LARP1B: variants seen among roughly 807,000 people sequenced by gnomAD.
LARP1B encodes La ribonucleoprotein 1B, also known as la-related protein 1B.
Under a neutral mutation model 114.2 loss-of-function variants are expected in LARP1B, and 76 were observed. The ratio of observed to expected loss-of-function variants is 0.67; its 90% CI spans 0.55 to 0.81. The LOEUF is 0.81. Ranked by LOEUF, LARP1B falls within the 30% of genes least tolerant of loss-of-function variation. The pLI is 0.00. For missense variants in LARP1B, 1,014 were observed against 1,075.8 expected, an observed-to-expected ratio of 0.94 and a Z score of 0.80; for synonymous variants, 345 against 348.0, an observed-to-expected ratio of 0.99 and a Z score of 0.10.
intron 7 of LARP1B, among the ~76,000 whole-genome samples, chr4:128,096,323 T>A (rs1488182910): frequency 6.6e-6 from 1 of 152,168 alleles, no homozygotes; most frequent in Non-Finnish European, 1.5e-5. Flanking sequence ...CATGTATTTC[T>A]CTCTCTTTAA....
chr4:128,171,830 C>G (rs1743864958), intron 12 of LARP1B, among the ~76,000 whole-genome samples: 1 of 152,066 alleles, frequency 6.6e-6, no homozygotes, highest in African/African-American at 2.4e-5. Context: ...CCACTCCTTT[C>G]TGTCCTCCAT....
chr4:128,213,309 A>C (rs1003159925), downstream of LARP1B, among the ~76,000 whole-genome samples: 1 of 152,184 alleles, frequency 6.6e-6, no homozygotes, highest in Non-Finnish European at 1.5e-5. Context: ...CAGGTCACTA[A>C]TGAGCAATAA....
chr4:128,151,283 A>G (rs1469748788), intron 11 of LARP1B, among the ~76,000 whole-genome samples: 1 of 152,234 alleles, frequency 6.6e-6, no homozygotes, highest in Non-Finnish European at 1.5e-5. Flanking sequence ...ACTCTCCTAC[A>G]TAACCACAAT....
chr4:128,168,797 T>G (rs2150524232), intron 12 of LARP1B, among the ~76,000 whole-genome samples: 1 of 152,188 alleles, frequency 6.6e-6, no homozygotes, highest in African/African-American at 2.4e-5. Context: ...TTGGATTATA[T>G]TTGTCTGATT....
Position 128,166,962 on chromosome 4 carries a change from CTCTCTCTCTATA to C in LARP1B, c.1648+4647_1648+4658del, listed in dbSNP as rs1422096271. Among the ~76,000 whole-genome samples the C allele has an allele frequency of 4.6e-3, 473 of 101,956 alleles. 2 individuals carry two copies. Among genetic ancestry groups the C allele is most frequent in the East Asian group, 0.019 (62 of 3,280 alleles). 66.9% of individuals were successfully genotyped at this position (101,956 alleles called of 152,430 possible). A position where few individuals can be genotyped will look rare whatever the true frequency, so the allele number is the denominator to read the frequency against. The stretch of plus-strand genomic sequence containing the variant: ...TCTCTCTCTCTCTCTCTCTCTCTCT[CTCTCTCTCTATA>C]TATATATATATATATATATACACAC... On this transcript the variant is annotated intron_variant, in intron 12 of 19. Coordinates refer to ENST00000326639, the MANE Select transcript of LARP1B (RefSeq NM_018078.4).
chr4:128,092,746 G>C, intron 7 of LARP1B: 5 of 985,366 alleles, frequency 5.1e-6, no homozygotes, highest in Non-Finnish European at 6.0e-6. Flanking sequence ...GGAGCAACTT[G>C]TTTATATTGT....
intron 11 of LARP1B, among the ~76,000 whole-genome samples, chr4:128,136,231 G>A (rs752421238): frequency 5.3e-5 from 8 of 151,760 alleles, no homozygotes; most frequent in Admixed American, 2.0e-4. Context: ...AAGTGGAGGT[G>A]GCAGTGAGCT....
At chr4:128,143,525 G>T (rs62334620) in intron 11 of LARP1B, among the ~76,000 whole-genome samples, 2 of 28,868 alleles carry the variant, frequency 6.9e-5, no homozygotes, top group African/African-American at 1.4e-4. Flanking sequence ...TGGTGGGGTG[G>T]GTGGAGCTAA....
At chr4:128,139,697 G>T (rs1225748453) in intron 11 of LARP1B, among the ~76,000 whole-genome samples, 1 of 151,992 alleles carries the variant, frequency 6.6e-6, no homozygotes, top group Non-Finnish European at 1.5e-5. Context: ...CTGCTTATAA[G>T]ACATGAACAA....
At chr4:128,140,564 G>C (rs371552765) in intron 11 of LARP1B, among the ~76,000 whole-genome samples, 1 of 152,128 alleles carries the variant, frequency 6.6e-6, no homozygotes, top group Non-Finnish European at 1.5e-5. Context: ...TGTGGGGGCT[G>C]GGGGGAGGTG....
chr4:128,140,634 A>C (rs1250067986), intron 11 of LARP1B, among the ~76,000 whole-genome samples: 1 of 152,186 alleles, frequency 6.6e-6, no homozygotes, highest in Non-Finnish European at 1.5e-5. Flanking sequence ...TGTTACATGA[A>C]TGCGTTATAA....
At chr4:128,221,187 G>A (rs544001567) in intron 7 of LARP1B, among the ~76,000 whole-genome samples, 7 of 152,050 alleles carry the variant, frequency 4.6e-5, no homozygotes, top group Non-Finnish European at 1.0e-4. Flanking sequence ...CTTTTGGGAG[G>A]AAATTTTGAT....
chr4:128,134,561 C>T (rs1417799679), intron 11 of LARP1B, among the ~76,000 whole-genome samples: 1 of 152,012 alleles, frequency 6.6e-6, no homozygotes, highest in Non-Finnish European at 1.5e-5. Context: ...GGATATCACA[C>T]TAAAATCACA....
Position 128,209,063 on chromosome 4 carries a change from C to G in LARP1B, c.2548-793C>G, listed in dbSNP as rs1283950722. Among the ~76,000 whole-genome samples the G allele has an allele frequency of 4.6e-5, 7 of 152,092 alleles. 1 individual carries two copies. In the South Asian group the frequency reaches 1.5e-3, roughly 32 times the overall value. On this transcript the variant is annotated intron_variant, in intron 19 of 19. Coordinates refer to ENST00000326639, the MANE Select transcript of LARP1B (RefSeq NM_018078.4). ...AAACATTTTCTTGGAGCCAAGGAAC[C>G]CAGCCTTATAGTTATGCCCCATCAG...
chr4:128,066,920 C>G (rs952776919), intron 1 of LARP1B, among the ~76,000 whole-genome samples: 4 of 151,648 alleles, frequency 2.6e-5, no homozygotes, highest in Non-Finnish European at 5.9e-5. Context: ...GCCTCAGTCT[C>G]CTGAGTAGCT....
At position 128,079,117 on chromosome 4, in the gene LARP1B, C is replaced by G. The variant is rs550098273; in HGVS notation, c.217+1155C>G. ...CTTTTTTTTTTTTTTTTTTAAGAGACAGAGTCTTGCTCTGTCACCCAGGCT... is the reference window on the plus strand; with the variant it reads ...CTTTTTTTTTTTTTTTTTTAAGAGAGAGAGTCTTGCTCTGTCACCCAGGCT... On this transcript the variant is annotated intron_variant, in intron 4 of 19. Transcript: ENST00000326639. 3.5e-5 allele frequency among the ~76,000 whole-genome samples: 5 copies of G among 142,848 alleles called. No individual in the cohort carries two copies. The East Asian group carries it at 1.0e-3, about 29-fold the overall frequency. The allele number at this position is 142,848 out of a possible 152,430, so 93.7% of individuals were successfully genotyped here.
At chr4:128,143,112 C>A (rs1442408816) in intron 11 of LARP1B, among the ~76,000 whole-genome samples, 1 of 151,862 alleles carries the variant, frequency 6.6e-6, no homozygotes, top group Non-Finnish European at 1.5e-5. Context: ...TGGTGAAACC[C>A]CATCCCTACT....
At chr4:128,078,038 G>A in intron 4 of LARP1B, 76 bp downstream of exon 4, 1 of 958,908 alleles carries the variant, frequency 1.0e-6, no homozygotes, top group Non-Finnish European at 1.5e-6. Flanking sequence ...TTCATTAACT[G>A]ATCTCTGGTA....
intron 15 of LARP1B, among the ~76,000 whole-genome samples, chr4:128,186,896 A>T (rs1221671568): frequency 6.6e-6 from 1 of 152,146 alleles, no homozygotes; most frequent in Non-Finnish European, 1.5e-5. Flanking sequence ...GGGCCCAGAT[A>T]CAGCTTGGGG....
Sources: gnomAD v4.1 joint callset for allele counts (sites outside exome capture counted in the v4.1 genomes callset) on GRCh38, gnomAD v4.1.1 for gene constraint, MANE v1.5 for transcripts, NCBI Gene and HGNC (gene_info 2026-07-23, HGNC 2026-07-21) for gene names.